The following PLEKHA2 variants were observed in gnomAD, a reference collection of about 807,000 sequenced individuals.
The protein encoded by PLEKHA2 is pleckstrin homology domain-containing family A member 2.
In PLEKHA2, 28 loss-of-function variants were observed where a neutral mutation model predicts 53.2. The ratio of observed to expected loss-of-function variants is 0.53; its 90% CI spans 0.39 to 0.72. The LOEUF (loss-of-function observed/expected upper bound fraction) is 0.72, where lower values mean the gene tolerates loss of function less well. Ranked by LOEUF, PLEKHA2 falls within the 30% of genes least tolerant of loss-of-function variation. PLEKHA2 has a pLI of 0.00. For missense variants in PLEKHA2, 426 were observed against 537.9 expected (o/e 0.79, Z 2.06); for synonymous variants, 193 against 196.4 (o/e 0.98, Z 0.14).
At position 38,971,800 on chromosome 8, in the gene PLEKHA2, A is replaced by T. The variant is rs1835254827; in HGVS notation, c.*2017A>T. On this transcript the variant is annotated 3_prime_UTR_variant, in exon 12 of 12. Coordinates refer to ENST00000617275, the MANE Select transcript of PLEKHA2 (RefSeq NM_021623.2). ...CTACTAAAAATACGAAAAAAAAATT[A>T]GCCGGGCGCAGTGGCAGGCGCCTGT... 1 of 152,190 alleles carries T rather than the reference A, an allele frequency of 6.6e-6. No individual in the cohort carries two copies. The highest frequency in any genetic ancestry group is 6.5e-5 in the Admixed American group (1 of 15,282). The allele number at this position is 152,190 out of a possible 1,614,324, so 9.4% of individuals were successfully genotyped here.
intron 10 of PLEKHA2, among the ~76,000 whole-genome samples, chr8:38,960,574 ATAGT>A (rs1835024019): frequency 6.6e-6 from 1 of 152,226 alleles, no homozygotes; most frequent in Non-Finnish European, 1.5e-5. Context: ...AATAGCAAGA[ATAGT>A]ATTGTTTTTA....
intron 2 of PLEKHA2, among the ~76,000 whole-genome samples, chr8:38,921,572 G>A (rs977257276): frequency 1.3e-5 from 2 of 152,218 alleles, no homozygotes; most frequent in African/African-American, 2.4e-5. Flanking sequence ...AAGCCTGGAC[G>A]CTGTGCCTCG....
At chr8:38,960,079 C>T (rs911378775) in intron 10 of PLEKHA2, among the ~76,000 whole-genome samples, 2 of 152,120 alleles carry the variant, frequency 1.3e-5, no homozygotes, top group African/African-American at 4.8e-5. Flanking sequence ...CGAAACCCAA[C>T]CAAAAAATGT....
At chr8:38,917,583 CATACA>C (rs1834082942) in intron 1 of PLEKHA2, among the ~76,000 whole-genome samples, 1 of 152,164 alleles carries the variant, frequency 6.6e-6, no homozygotes, top group African/African-American at 2.4e-5. Flanking sequence ...AATTGGTGGT[CATACA>C]ATTAACAAGT....
At chr8:38,946,304 G>C in intron 5 of PLEKHA2, 83 bp downstream of exon 5, 1 of 1,225,768 alleles carries the variant, frequency 8.2e-7, no homozygotes. Context: ...GGGGAAAACT[G>C]AGATGGCAGC....
At position 38,963,280 on chromosome 8, in the gene PLEKHA2, A is replaced by G. The variant is rs180808531; in HGVS notation, c.838-5312A>G. The stretch of plus-strand genomic sequence containing the variant: ...GAGCACCAGAAACAGGTGCACACAC[A>G]TAAGCACACCAGGAAGAGATGAAGC... On this transcript the variant is annotated intron_variant, in intron 10 of 11. Coordinates refer to ENST00000617275, the MANE Select transcript of PLEKHA2 (RefSeq NM_021623.2). Among the ~76,000 whole-genome samples, 5 of 152,362 alleles carry G rather than the reference A, an allele frequency of 3.3e-5. No individual in the cohort carries two copies. In the East Asian group the frequency reaches 9.6e-4, roughly 29 times the overall value.
rs1476037096 is a variant in PLEKHA2, at chr8:38,972,670, G to T, written c.*2887G>T. 1.3e-5 allele frequency: 2 copies of T among 152,118 alleles called. No homozygotes were observed. The highest frequency in any genetic ancestry group is 1.5e-5 in the Non-Finnish European group (1 of 68,020). 9.4% of individuals were successfully genotyped at this position (152,118 alleles called of 1,614,324 possible). On this transcript the variant is annotated 3_prime_UTR_variant, in exon 12 of 12. Transcript: ENST00000617275. ...AGATGGTACGTATTTGACCAAAGCAGTTAGTTTTAAATGTATAAAATTGAA... is the reference window on the plus strand; with the variant it reads ...AGATGGTACGTATTTGACCAAAGCATTTAGTTTTAAATGTATAAAATTGAA...
At chr8:38,958,380 TTAAAGGTGTGGTTTCCCAAC>T (rs889733326) in intron 10 of PLEKHA2, among the ~76,000 whole-genome samples, 3 of 152,070 alleles carry the variant, frequency 2.0e-5, no homozygotes, top group African/African-American at 7.3e-5. Context: ...GCAGGTTGGT[TTAAAGGTGTGGTTTCCCAAC>T]TAAAGCTTTT....
intron 3 of PLEKHA2, among the ~76,000 whole-genome samples, chr8:38,938,091 T>G (rs7812645): frequency 0.049 from 7,504 of 152,306 alleles, 623 homozygotes; most frequent in African/African-American, 0.17. Flanking sequence ...AGCTGCACTT[T>G]GACCCCTGCC....
intron 2 of PLEKHA2, among the ~76,000 whole-genome samples, chr8:38,933,592 C>A (rs1014186154): frequency 6.6e-6 from 1 of 151,686 alleles, no homozygotes; most frequent in Non-Finnish European, 1.5e-5. Flanking sequence ...GTTCCTGTGT[C>A]CCTGGAGCCC....
In PLEKHA2 at chr8:38,918,078, G is replaced by C. The variant is rs368764688; in HGVS notation, c.141+8G>C. On this transcript the variant is annotated splice_region_variant and intron_variant, in intron 2 of 11. Transcript: ENST00000617275. ...TATATGGACAACCCCCAGGTGAGAG[G>C]GTCAGTGGGAAGGGGTGGGGCGACT... 1 of 1,611,426 alleles carries C rather than the reference G, an allele frequency of 6.2e-7. No homozygotes were observed. The highest frequency in any genetic ancestry group is 8.5e-7 in the Non-Finnish European group (1 of 1,178,708).
At chr8:38,908,825 T>G (rs1016855887) in intron 1 of PLEKHA2, among the ~76,000 whole-genome samples, 1 of 152,208 alleles carries the variant, frequency 6.6e-6, no homozygotes, top group Non-Finnish European at 1.5e-5. Context: ...TAATATTTCC[T>G]TGTGAGTATG....
chr8:38,936,228 G>C (rs1450008075), intron 3 of PLEKHA2, among the ~76,000 whole-genome samples, 178 bp downstream of exon 3: 1 of 152,156 alleles, frequency 6.6e-6, no homozygotes, highest in African/African-American at 2.4e-5. Context: ...TGGCTGTAGA[G>C]GTATGTGGTT....
chr8:38,963,254 C>T (rs753441603), intron 10 of PLEKHA2, among the ~76,000 whole-genome samples: 38 of 152,278 alleles, frequency 2.5e-4, no homozygotes, highest in Non-Finnish European at 5.0e-4. Flanking sequence ...TCTTTTGAAC[C>T]GAGCACCAGA....
chr8:38,908,603 AT>A (rs1413407578), intron 1 of PLEKHA2, among the ~76,000 whole-genome samples: 7 of 152,242 alleles, frequency 4.6e-5, no homozygotes, highest in Admixed American at 2.0e-4. Context: ...AGTAAATGAA[AT>A]TCCACTCATA....
intron 6 of PLEKHA2, among the ~76,000 whole-genome samples, chr8:38,951,469 G>GT (rs144541661): frequency 0.028 from 2,586 of 91,762 alleles, 46 homozygotes; most frequent in African/African-American, 0.032. Flanking sequence ...ATTTATTTAA[G>GT]TTTTTTTTTT....
chr8:38,955,739 C>A (rs1456247318), intron 9 of PLEKHA2, among the ~76,000 whole-genome samples: 1 of 152,224 alleles, frequency 6.6e-6, no homozygotes, highest in East Asian at 1.9e-4. Flanking sequence ...AAAGCCAACC[C>A]CACCTGTGAT....
At chr8:38,915,372 T>A (rs1437529169) in intron 1 of PLEKHA2, among the ~76,000 whole-genome samples, 4 of 152,216 alleles carry the variant, frequency 2.6e-5, no homozygotes, top group African/African-American at 9.6e-5. Flanking sequence ...TTCTCACCGA[T>A]CTGGAGGCTG....
chr8:38,907,928 C>A (rs573939562), intron 1 of PLEKHA2, among the ~76,000 whole-genome samples: 1 of 151,972 alleles, frequency 6.6e-6, no homozygotes, highest in African/African-American at 2.4e-5. Flanking sequence ...GACATTGGCT[C>A]AACTGCAACC....
Sources: allele counts gnomAD v4.1 joint callset (sites outside exome capture counted in the v4.1 genomes callset), GRCh38; gene constraint gnomAD v4.1.1; transcripts MANE v1.5; gene names NCBI Gene and HGNC (gene_info 2026-07-23, HGNC 2026-07-21).